The following FAM107B variants were observed in gnomAD, a reference collection of about 807,000 sequenced individuals.
The protein encoded by FAM107B is protein FAM107B.
In FAM107B, 21 loss-of-function variants were observed where a neutral mutation model predicts 31.5. The ratio of observed to expected loss-of-function variants is 0.67; its 90% CI spans 0.47 to 0.96. The LOEUF is 0.96. Ranked by LOEUF, FAM107B falls within the 40% of genes least tolerant of loss-of-function variation. The probability of loss-of-function intolerance (pLI) is 0.00; values close to 1 mark genes in which losing one functional copy is unlikely to be tolerated. For missense variants in FAM107B, 452 were observed against 377.1 expected (o/e 1.20, Z -1.64); for synonymous variants, 157 against 141.5 (o/e 1.11, Z -0.78).
At chr10:14,630,642 T>C (rs1051451881) in intron 2 of FAM107B, among the ~76,000 whole-genome samples, 5 of 151,842 alleles carry the variant, frequency 3.3e-5, no homozygotes, top group Non-Finnish European at 5.9e-5. Flanking sequence ...TGGGCGACTC[T>C]AAAATAAAAA....
intron 2 of FAM107B, among the ~76,000 whole-genome samples, chr10:14,572,802 A>C (rs890578330): frequency 7.1e-6 from 1 of 141,824 alleles, no homozygotes; most frequent in African/African-American, 2.6e-5. Context: ...GTGTATGTAG[A>C]TATACATATA....
intron 1 of FAM107B, among the ~76,000 whole-genome samples, chr10:14,704,981 G>A (rs546602629): frequency 1.4e-4 from 18 of 131,154 alleles, no homozygotes; most frequent in African/African-American, 5.2e-4. Context: ...CCAAGATGGC[G>A]CCACTGTACT....
intron 2 of FAM107B, among the ~76,000 whole-genome samples, chr10:14,609,807 G>T (rs1026693485): frequency 3.9e-5 from 6 of 152,206 alleles, no homozygotes; most frequent in African/African-American, 1.4e-4. Flanking sequence ...CAGATGGAAG[G>T]ACAGGCAAAC....
At chr10:14,529,358 G>A (rs1245585405) in intron 3 of FAM107B, among the ~76,000 whole-genome samples, 3 of 152,296 alleles carry the variant, frequency 2.0e-5, no homozygotes, top group South Asian at 2.1e-4. Flanking sequence ...ACTCTAGAGG[G>A]AGAAACGTAT....
chr10:14,573,658 C>G (rs1483350209), intron 2 of FAM107B, among the ~76,000 whole-genome samples: 1 of 151,726 alleles, frequency 6.6e-6, no homozygotes, highest in Non-Finnish European at 1.5e-5. Context: ...GCAGGAGAAT[C>G]ACATGGACCC....
chr10:14,752,775 T>C (rs1167879065), intron 1 of FAM107B, among the ~76,000 whole-genome samples: 1 of 151,978 alleles, frequency 6.6e-6, no homozygotes, highest in East Asian at 1.9e-4. Context: ...CTACAAAAAA[T>C]ACAAAAATTA....
At chr10:14,555,636 G>A (rs569535491) in intron 2 of FAM107B, among the ~76,000 whole-genome samples, 1 of 152,196 alleles carries the variant, frequency 6.6e-6, no homozygotes, top group South Asian at 2.1e-4. Flanking sequence ...TGGAAAAATT[G>A]GGCATTATTT....
chr10:14,638,748 G>A (rs780392043), intron 2 of FAM107B, among the ~76,000 whole-genome samples: 2 of 152,044 alleles, frequency 1.3e-5, no homozygotes, highest in Non-Finnish European at 2.9e-5. Flanking sequence ...TTGCCGTGCT[G>A]CAGCCAATAT....
chr10:14,568,483 C>G (rs111469734), intron 2 of FAM107B, among the ~76,000 whole-genome samples: 32 of 138,186 alleles, frequency 2.3e-4, no homozygotes, highest in East Asian at 4.3e-4. Flanking sequence ...AGGGTTAGAC[C>G]AGGAGGTGAA....
chr10:14,557,988 TTAA>T (rs1258443241), intron 2 of FAM107B, among the ~76,000 whole-genome samples: 1 of 152,252 alleles, frequency 6.6e-6, no homozygotes, highest in African/African-American at 2.4e-5. Flanking sequence ...AAACTACTGT[TTAA>T]AATGTTTTTA....
chr10:14,556,493 C>A, intron 2 of FAM107B: 1 of 860,830 alleles, frequency 1.2e-6, no homozygotes. Flanking sequence ...CCCGACCTAA[C>A]GAGAGCTCAG....
At chr10:14,637,282 T>C (rs1264290954) in intron 2 of FAM107B, among the ~76,000 whole-genome samples, 3 of 152,128 alleles carry the variant, frequency 2.0e-5, no homozygotes, top group Admixed American at 2.0e-4. Flanking sequence ...CTGGTGTTCA[T>C]ACCCTAGAAT....
chr10:14,751,338 A>G (rs900713353), intron 1 of FAM107B, among the ~76,000 whole-genome samples: 2 of 152,150 alleles, frequency 1.3e-5, no homozygotes, highest in Non-Finnish European at 2.9e-5. Flanking sequence ...CCAGGAGCTA[A>G]GTGTGCTTGG....
At chr10:14,729,357 T>C (rs999357440) in intron 1 of FAM107B, among the ~76,000 whole-genome samples, 14 of 152,266 alleles carry the variant, frequency 9.2e-5, no homozygotes, top group African/African-American at 3.4e-4. Context: ...AGAAAGGATA[T>C]GTAAGCTGCC....
chr10:14,721,747 C>T (rs1855917415), intron 1 of FAM107B, among the ~76,000 whole-genome samples: 1 of 152,060 alleles, frequency 6.6e-6, no homozygotes. Flanking sequence ...GGATATTAGC[C>T]CTTTGTCAGA....
chr10:14,773,343 G>A (rs1246194962), intron 1 of FAM107B, among the ~76,000 whole-genome samples: 1 of 152,198 alleles, frequency 6.6e-6, no homozygotes, highest in East Asian at 1.9e-4. Context: ...AAAATAATTT[G>A]TTAAACGGAT....
At chr10:14,711,245 G>A (rs1435375317) in intron 1 of FAM107B, among the ~76,000 whole-genome samples, 1 of 152,088 alleles carries the variant, frequency 6.6e-6, no homozygotes, top group Non-Finnish European at 1.5e-5. Flanking sequence ...TAGTCTAAGT[G>A]TACAGCATTT....
At chr10:14,527,816 A>C (rs1178685654) in intron 3 of FAM107B, 1 of 225,320 alleles carries the variant, frequency 4.4e-6, no homozygotes, top group African/African-American at 2.4e-5. Context: ...GTTTGGCACT[A>C]AAATTTAGAA....
At chr10:14,642,262 A>G (rs1853646684) in intron 2 of FAM107B, among the ~76,000 whole-genome samples, 2 of 152,208 alleles carry the variant, frequency 1.3e-5, no homozygotes, top group Non-Finnish European at 2.9e-5. Context: ...AGCTCCAGGC[A>G]GGGGCCCTGC....
Sources: allele counts gnomAD v4.1 joint callset (sites outside exome capture counted in the v4.1 genomes callset), GRCh38; gene constraint gnomAD v4.1.1; transcripts MANE v1.5; gene names NCBI Gene and HGNC (gene_info 2026-07-23, HGNC 2026-07-21).